CCL17: variants seen among roughly 807,000 people sequenced by gnomAD.
The protein encoded by CCL17 is C-C motif chemokine 17.
CCL17 carries 8 observed loss-of-function variants against 7.4 expected under a neutral mutation model. The ratio of observed to expected loss-of-function variants is 1.09; its 90% CI spans 0.64 to 1.96. The LOEUF (loss-of-function observed/expected upper bound fraction) is 1.96. Among genes scored for constraint, CCL17 ranks in the 30% most tolerant of loss-of-function variants. The pLI, the probability that CCL17 is intolerant of heterozygous loss-of-function variation, is 0.00. For synonymous variants in CCL17, 40 were observed against 46.1 expected (o/e 0.87, Z 0.54); for missense variants, 102 against 113.0 (o/e 0.90, Z 0.44).
intron 1 of CCL17, among the ~76,000 whole-genome samples, chr16:57,410,307 C>A (rs72792987): frequency 6.6e-6 from 1 of 152,326 alleles, no homozygotes; most frequent in Non-Finnish European, 1.5e-5. Context: ...GTTGCAGCAG[C>A]CCCTGGGGCA....
Position 57,415,015 on chromosome 16 carries a change from C to G in CCL17, c.71-66C>G. On this transcript the variant is annotated intron_variant, in intron 2 of 3. Coordinates refer to ENST00000219244, the MANE Select transcript of CCL17 (RefSeq NM_002987.3). The surrounding 1 kb of genome is among the most constrained non-coding windows in gnomAD (Gnocchi z 4.5). ...CATGCAGATCTTCCACGAACACCCC[C>G]CAGAGGTCCCCGCAACACACACGCA... 1 of 1,044,844 alleles carries G rather than the reference C, an allele frequency of 9.6e-7. No homozygotes were observed. 64.7% of individuals were successfully genotyped at this position (1,044,844 alleles called of 1,614,324 possible).
upstream of CCL17, among the ~76,000 whole-genome samples, chr16:57,401,535 A>G (rs1219922729): frequency 2.6e-5 from 4 of 152,118 alleles, no homozygotes; most frequent in East Asian, 3.9e-4. Flanking sequence ...AAAAAAAAAA[A>G]AAAAGAAAAA....
At chr16:57,405,428 G>A (rs1309628808) in intron 1 of CCL17, among the ~76,000 whole-genome samples, 1 of 152,176 alleles carries the variant, frequency 6.6e-6, no homozygotes, top group African/African-American at 2.4e-5. Context: ...TGAGTCAAGG[G>A]CAAAGTTTCA....
At chr16:57,409,402 GA>G (rs528354755) in intron 1 of CCL17, among the ~76,000 whole-genome samples, 8 of 152,328 alleles carry the variant, frequency 5.3e-5, no homozygotes, top group Non-Finnish European at 8.8e-5. Context: ...GGAGCTGGAG[GA>G]AAAAGTTGAG....
intron 1 of CCL17, among the ~76,000 whole-genome samples, chr16:57,409,972 C>T (rs1272026571): frequency 6.6e-6 from 1 of 152,336 alleles, no homozygotes; most frequent in East Asian, 1.9e-4. Context: ...TACTGAGCTG[C>T]TCCGGGAGAC....
At chr16:57,405,877 CAA>C (rs35155439) in intron 1 of CCL17, among the ~76,000 whole-genome samples, 2 of 140,312 alleles carry the variant, frequency 1.4e-5, no homozygotes, top group Admixed American at 7.1e-5. Context: ...ACTAAAAATA[CAA>C]AAAAAAAAAA....
chr16:57,411,330 G>A (rs1447095908), intron 1 of CCL17, among the ~76,000 whole-genome samples: 1 of 152,024 alleles, frequency 6.6e-6, no homozygotes, highest in East Asian at 1.9e-4. Context: ...AGGCTCAGCT[G>A]CCCCTGCCAG....
At chr16:57,410,758 C>T (rs1381889682) in intron 1 of CCL17, among the ~76,000 whole-genome samples, 1 of 152,234 alleles carries the variant, frequency 6.6e-6, no homozygotes, top group Non-Finnish European at 1.5e-5. Flanking sequence ...TGTCCCTGGT[C>T]CCCGCTGCCT....
chr16:57,408,790 G>A (rs1902740646), intron 1 of CCL17, among the ~76,000 whole-genome samples: 1 of 151,548 alleles, frequency 6.6e-6, no homozygotes, highest in Non-Finnish European at 1.5e-5. Flanking sequence ...TGGCCAGGAT[G>A]GTCTCGATCT....
chr16:57,408,542 G>T (rs1325753861), intron 1 of CCL17, among the ~76,000 whole-genome samples: 6 of 151,828 alleles, frequency 4.0e-5, no homozygotes, highest in Non-Finnish European at 8.8e-5. Flanking sequence ...CTCCAGAGTA[G>T]CTGGGACAGG....
At chr16:57,399,762 T>C in the CCL17 span, among the ~76,000 whole-genome samples, 1 of 152,210 alleles carries the variant, frequency 6.6e-6, no homozygotes, top group Non-Finnish European at 1.5e-5. Context: ...ATGGACCTTC[T>C]TCTCATGAGG....
intron 1 of CCL17, among the ~76,000 whole-genome samples, chr16:57,408,423 A>T (rs1298987550): frequency 2.0e-5 from 3 of 151,924 alleles, no homozygotes; most frequent in East Asian, 3.8e-4. Context: ...ACATATATAT[A>T]TTTTTTGAGA....
chr16:57,398,891 A>G, the CCL17 span, among the ~76,000 whole-genome samples: 843 of 152,344 alleles, frequency 5.5e-3, 11 homozygotes, highest in African/African-American at 0.018. Context: ...GCCTGACCAA[A>G]CAGATGAGAG....
chr16:57,411,398 C>T (rs1343356002), intron 1 of CCL17, among the ~76,000 whole-genome samples: 1 of 152,190 alleles, frequency 6.6e-6, no homozygotes, highest in Non-Finnish European at 1.5e-5. Flanking sequence ...CAGAACCTTC[C>T]ACTGCTGCTT....
At chr16:57,413,047 G>A (rs1232434535) in intron 1 of CCL17, among the ~76,000 whole-genome samples, 9 of 152,184 alleles carry the variant, frequency 5.9e-5, no homozygotes, top group Admixed American at 3.3e-4. Flanking sequence ...GCTCAGGCTG[G>A]ACCCTGACCA....
intron 1 of CCL17, among the ~76,000 whole-genome samples, chr16:57,410,524 C>T (rs1404004954): frequency 5.9e-5 from 9 of 152,210 alleles, no homozygotes; most frequent in Admixed American, 5.9e-4. Flanking sequence ...CTCCACAAAG[C>T]TCTGCCTCAC....
At chr16:57,402,248 A>G (rs1443229430), upstream of CCL17, among the ~76,000 whole-genome samples, 4 of 150,028 alleles carry the variant, frequency 2.7e-5, no homozygotes, top group East Asian at 7.7e-4. Flanking sequence ...GCATTGTGCG[A>G]CGTGTCAAAT....
intron 1 of CCL17, 49 bp downstream of exon 1, chr16:57,404,885 C>A (rs1279286959): frequency 6.5e-6 from 1 of 154,326 alleles, no homozygotes; most frequent in Non-Finnish European, 1.5e-5. Context: ...TGTGAGGTGA[C>A]CCCCTCGCTG....
At chr16:57,405,984 G>A (rs1046639530) in intron 1 of CCL17, among the ~76,000 whole-genome samples, 1 of 151,938 alleles carries the variant, frequency 6.6e-6, no homozygotes, top group Non-Finnish European at 1.5e-5. Context: ...GGAGCTTGCA[G>A]TAAGCCGAGA....
Sources: allele counts gnomAD v4.1 joint callset (sites outside exome capture counted in the v4.1 genomes callset), GRCh38; gene constraint gnomAD v4.1.1; non-coding constraint Gnocchi (gnomAD v3.1); transcripts MANE v1.5; gene names NCBI Gene and HGNC (gene_info 2026-07-23, HGNC 2026-07-21).